HIPK2: variants seen among roughly 807,000 people sequenced by gnomAD.
The protein encoded by HIPK2 is homeodomain interacting protein kinase 2, also known as homeodomain-interacting protein kinase 2.
Under a neutral mutation model 113.7 loss-of-function variants are expected in HIPK2, and 27 were observed. The observed-to-expected ratio is 0.24, with a 90% CI of 0.17 to 0.33. HIPK2 has a LOEUF of 0.33. HIPK2 is among the 10% of genes least tolerant of loss of function. HIPK2 has a pLI of 1.00. For missense variants in HIPK2, 1,257 were observed against 1,588.0 expected, an observed-to-expected ratio of 0.79 and a Z score of 3.54; for synonymous variants, 631 against 642.2, an observed-to-expected ratio of 0.98 and a Z score of 0.26.
In HIPK2 at chr7:139,716,724, G is replaced by T; in HGVS notation, c.311C>A (p.Thr104Asn). The T allele has an allele frequency of 6.2e-7, 1 of 1,613,958 alleles. No homozygotes were observed. Among genetic ancestry groups the T allele is most frequent in the Non-Finnish European group, 8.5e-7 (1 of 1,179,868 alleles). ...GTGTGGTCCGCCGAGGACTTGCCCG[G>T]TGACAGAAGTGCTGCTTGCTGAGGT... is the stretch of plus-strand genomic sequence containing the variant. The part of the protein sequence containing the change: ...VVTSASSTSV[T>N]GQVLGGPHNL... Residue 104 changes from threonine (T) to asparagine (N), a missense_variant, in exon 2 of 15, where the codon ACC becomes AAC. Physicochemically the swap from Thr to Asn is moderately conservative, Grantham distance 65. Transcript: ENST00000406875. The surrounding 1 kb of genome is among the most constrained non-coding windows in gnomAD (Gnocchi z 9.3).
intron 2 of HIPK2, among the ~76,000 whole-genome samples, chr7:139,662,838 C>T (rs1310189812): frequency 1.3e-5 from 2 of 152,098 alleles, no homozygotes; most frequent in Non-Finnish European, 1.5e-5. Context: ...AGGCTGGTCT[C>T]GAACTCCTGA....
intron 13 of HIPK2, among the ~76,000 whole-genome samples, chr7:139,578,299 C>T (rs927020859): frequency 4.6e-5 from 7 of 152,146 alleles, no homozygotes; most frequent in African/African-American, 1.2e-4. Flanking sequence ...TGAGCCACCG[C>T]GCCCAGCTGC....
Position 139,766,966 on chromosome 7 carries a change from G to A in HIPK2, c.19+10639C>T, listed in dbSNP as rs142865183. Among the ~76,000 whole-genome samples, 1,126 of 152,280 alleles carry A rather than the reference G, an allele frequency of 7.4e-3. 14 individuals are homozygous for A. Among genetic ancestry groups the A allele is most frequent in the African/African-American group, 0.025 (1,056 of 41,542 alleles). ...TCCCTGAGAAGATGTGAAGGCAGGT[G>A]AGAGGAGAGGAAGTCGGAGGCTGGA... On this transcript the variant is annotated intron_variant, in intron 1 of 14. Transcript: ENST00000406875.
Position 139,663,429 on chromosome 7 carries a change from C to T in HIPK2, c.1104-31704G>A, listed in dbSNP as rs550696287. 1.5e-4 allele frequency among the ~76,000 whole-genome samples: 22 copies of T among 149,858 alleles called. 1 individual carries two copies. The South Asian group carries it at 3.6e-3, about 25-fold the overall frequency. On this transcript the variant is annotated intron_variant, in intron 2 of 14. Coordinates refer to ENST00000406875, the MANE Select transcript of HIPK2 (RefSeq NM_022740.5). ...GGCTCTGCCACTGATGAGCTGGAGG[C>T]CTCGTGGGCTTCCTCCACTGTCCTG...
chr7:139,587,770 C>A (rs778754628), intron 12 of HIPK2, among the ~76,000 whole-genome samples: 21 of 151,722 alleles, frequency 1.4e-4, no homozygotes, highest in African/African-American at 4.1e-4. Flanking sequence ...CCTAGCTGCT[C>A]GGGAGACTGA....
intron 2 of HIPK2, among the ~76,000 whole-genome samples, chr7:139,701,842 G>A (rs1160660398): frequency 1.3e-5 from 2 of 152,218 alleles, no homozygotes; most frequent in Non-Finnish European, 2.9e-5. Flanking sequence ...TGGAGGCGGG[G>A]GAAGGCAGGG....
intron 2 of HIPK2, among the ~76,000 whole-genome samples, chr7:139,686,154 T>C (rs1434046000): frequency 6.6e-6 from 1 of 152,188 alleles, no homozygotes; most frequent in African/African-American, 2.4e-5. Context: ...CCTACATGGA[T>C]GACTTTGAAG....
intron 9 of HIPK2, among the ~76,000 whole-genome samples, chr7:139,606,985 A>G (rs769620012): frequency 2.0e-5 from 3 of 152,244 alleles, no homozygotes; most frequent in Admixed American, 6.5e-5. Context: ...ATCTATAATT[A>G]ATGCCTTTAC....
intron 2 of HIPK2, among the ~76,000 whole-genome samples, chr7:139,659,659 G>C (rs1801799870): frequency 6.6e-6 from 1 of 152,178 alleles, no homozygotes; most frequent in Admixed American, 6.5e-5. Context: ...CTATGCCTTG[G>C]CCTATGCCTA....
intron 2 of HIPK2, among the ~76,000 whole-genome samples, chr7:139,681,405 G>A (rs1292400838): frequency 6.6e-6 from 1 of 152,090 alleles, no homozygotes; most frequent in Non-Finnish European, 1.5e-5. Flanking sequence ...ATTTTGCAGT[G>A]AAATTATCAG....
At chr7:139,696,908 T>A (rs947609952) in intron 2 of HIPK2, among the ~76,000 whole-genome samples, 46 of 152,102 alleles carry the variant, frequency 3.0e-4, no homozygotes, top group Admixed American at 5.9e-4. Context: ...AAAACTTCTA[T>A]AAGACAGCAT....
In HIPK2 at chr7:139,565,795, T is replaced by C. The variant is rs1488594208; in HGVS notation, c.*7132A>G. 1 of 151,898 alleles carries C rather than the reference T, an allele frequency of 6.6e-6. No individual in the cohort carries two copies. Among genetic ancestry groups the C allele is most frequent in the African/African-American group, 2.4e-5 (1 of 41,330 alleles). The allele number at this position is 151,898 out of a possible 1,614,324, so 9.4% of individuals were successfully genotyped here. On this transcript the variant is annotated 3_prime_UTR_variant, in exon 15 of 15. Transcript: ENST00000406875. ...ACATATGGTATTTACAAATTTGGTGTGAACCCTGCCTCTGGTTCTGCCCAG... is the reference window on the plus strand; with the variant it reads ...ACATATGGTATTTACAAATTTGGTGCGAACCCTGCCTCTGGTTCTGCCCAG...
chr7:139,709,968 C>CA (rs1030392059), intron 2 of HIPK2, among the ~76,000 whole-genome samples: 38 of 152,326 alleles, frequency 2.5e-4, no homozygotes, highest in African/African-American at 7.5e-4. Flanking sequence ...TTCATACTAT[C>CA]GGGGGGTAGA....
At chr7:139,599,985 G>T (rs1352579346) in intron 11 of HIPK2, among the ~76,000 whole-genome samples, 7 of 152,000 alleles carry the variant, frequency 4.6e-5, no homozygotes, top group African/African-American at 1.7e-4. Flanking sequence ...CATCCTCCAG[G>T]TGTGATATCT....
intron 2 of HIPK2, among the ~76,000 whole-genome samples, chr7:139,646,449 G>C (rs1361742992): frequency 6.7e-6 from 1 of 149,128 alleles, no homozygotes; most frequent in Admixed American, 6.7e-5. Flanking sequence ...GCAGTGAGCT[G>C]TGATCACGCC....
chr7:139,734,078 C>G (rs940854919), intron 1 of HIPK2, among the ~76,000 whole-genome samples: 1 of 152,226 alleles, frequency 6.6e-6, no homozygotes, highest in Admixed American at 6.5e-5. Context: ...TCACAATTAA[C>G]GTGGTTTAGT....
rs1043797447 is a variant in HIPK2 at position 139,714,303 on chromosome 7, G to A, written c.1103+1629C>T. Among the ~76,000 whole-genome samples, 9 of 152,220 alleles carry A rather than the reference G, an allele frequency of 5.9e-5. No homozygotes were observed. The highest frequency in any genetic ancestry group is 2.6e-4 in the Admixed American group (4 of 15,286). ...GAAACAGCATGGGTGAAGAGGCCTC[G>A]AAACCTCCTGTGTGAGTCAGGATTA... On this transcript the variant is annotated intron_variant, in intron 2 of 14. Coordinates refer to ENST00000406875, the MANE Select transcript of HIPK2 (RefSeq NM_022740.5). This position sits in a 1 kb window ranked among gnomAD's most constrained non-coding sequence, Gnocchi z 4.2.
intron 8 of HIPK2, 44 bp downstream of exon 8, chr7:139,614,242 G>A (rs755498575): frequency 1.4e-5 from 19 of 1,360,548 alleles, no homozygotes; most frequent in Middle Eastern, 2.6e-4. Flanking sequence ...CCCAGAGGCC[G>A]TTCTGTAAGA....
intron 1 of HIPK2, among the ~76,000 whole-genome samples, chr7:139,750,811 C>T (rs1796266287): frequency 6.6e-6 from 1 of 152,184 alleles, no homozygotes; most frequent in Admixed American, 6.5e-5. Context: ...AGTCCACATG[C>T]AAAATTTAGT....
Sources: gnomAD v4.1 joint callset for allele counts (sites outside exome capture counted in the v4.1 genomes callset) on GRCh38, gnomAD v4.1.1 for gene constraint, Gnocchi (gnomAD v3.1) non-coding constraint, MANE v1.5 for transcripts, NCBI Gene and HGNC (gene_info 2026-07-23, HGNC 2026-07-21) for gene names.